Variants in MEI4 observed in about 807,000 individuals in gnomAD.
MEI4 encodes the protein meiotic double-stranded break formation protein 4.
A neutral mutation model predicts 31.4 loss-of-function variants in MEI4; 27 were observed. That is an observed-to-expected ratio of 0.86 (90% CI 0.63 to 1.19). MEI4 has a LOEUF of 1.19. Ranked by LOEUF, MEI4 falls within the 50% of genes most tolerant of loss-of-function variation. MEI4 has a pLI of 0.00. For synonymous variants in MEI4, 122 were observed against 145.4 expected (o/e 0.84, Z 1.16); for missense variants, 329 against 398.9 (o/e 0.82, Z 1.49).
intron 3 of MEI4, among the ~76,000 whole-genome samples, chr6:77,783,348 T>C (rs1201130726): frequency 6.6e-6 from 1 of 152,212 alleles, no homozygotes; most frequent in African/African-American, 2.4e-5. Flanking sequence ...TCCTTCATGA[T>C]AAAAAGCTTG....
intron 1 of MEI4, among the ~76,000 whole-genome samples, chr6:77,690,251 C>T (rs1769134091): frequency 6.6e-6 from 1 of 152,026 alleles, no homozygotes. Context: ...TCTGGTTATT[C>T]AGTGGACTCA....
intron 2 of MEI4, among the ~76,000 whole-genome samples, chr6:77,752,953 C>G (rs1302531064): frequency 1.3e-5 from 2 of 152,132 alleles, no homozygotes; most frequent in South Asian, 2.1e-4. Context: ...CGCCACGCAT[C>G]TATAACCATT....
intron 4 of MEI4, among the ~76,000 whole-genome samples, chr6:77,863,789 A>G (rs1770938763): frequency 6.6e-6 from 1 of 152,214 alleles, no homozygotes; most frequent in Admixed American, 6.5e-5. Context: ...CAGATTCACC[A>G]AAGTTGAAAT....
intron 4 of MEI4, among the ~76,000 whole-genome samples, chr6:77,848,893 C>A (rs1770547757): frequency 6.6e-6 from 1 of 151,994 alleles, no homozygotes; most frequent in Non-Finnish European, 1.5e-5. Context: ...TTATTGAGTT[C>A]TTACTATGGG....
At chr6:77,680,717 T>C (rs1768941440) in intron 1 of MEI4, among the ~76,000 whole-genome samples, 1 of 152,172 alleles carries the variant, frequency 6.6e-6, no homozygotes, top group African/African-American at 2.4e-5. Context: ...TTTTTAGGCA[T>C]GCAAATCCAT....
At chr6:77,871,503 C>A (rs13204625) in intron 4 of MEI4, among the ~76,000 whole-genome samples, 21,277 of 151,922 alleles carry the variant, frequency 0.14, 1,765 homozygotes, top group East Asian at 0.39. Context: ...ATTGGGTACA[C>A]CTGGACATAC....
intron 1 of MEI4, among the ~76,000 whole-genome samples, chr6:77,661,559 G>T: frequency 6.6e-6 from 1 of 152,160 alleles, no homozygotes; most frequent in East Asian, 1.9e-4. Context: ...AGGAATGGGA[G>T]GAGGCCTGAA....
At chr6:77,737,795 G>T (rs896650271) in intron 2 of MEI4, among the ~76,000 whole-genome samples, 2 of 152,198 alleles carry the variant, frequency 1.3e-5, no homozygotes, top group African/African-American at 4.8e-5. Context: ...GGAGGTCAAG[G>T]AAGAAGTCAA....
chr6:77,818,473 A>G (rs1344004603), intron 3 of MEI4, among the ~76,000 whole-genome samples: 1 of 152,114 alleles, frequency 6.6e-6, no homozygotes, highest in Non-Finnish European at 1.5e-5. Context: ...AATTGAATTG[A>G]TTTTCACAAT....
chr6:77,836,200 T>G (rs1236015546), intron 4 of MEI4, among the ~76,000 whole-genome samples: 1 of 152,136 alleles, frequency 6.6e-6, no homozygotes, highest in Non-Finnish European at 1.5e-5. Flanking sequence ...AATTTTTAAG[T>G]GATTTTTCAC....
At chr6:77,794,395 C>T (rs545731396) in intron 3 of MEI4, among the ~76,000 whole-genome samples, 9 of 152,090 alleles carry the variant, frequency 5.9e-5, no homozygotes, top group African/African-American at 1.9e-4. Context: ...AATCCCGTCT[C>T]TACTAAAAAT....
At chr6:77,668,238 A>C (rs934177677) in intron 1 of MEI4, among the ~76,000 whole-genome samples, 1 of 152,142 alleles carries the variant, frequency 6.6e-6, no homozygotes, top group Middle Eastern at 3.2e-3. Context: ...GGAGAGCATG[A>C]AGGTTTGCTT....
intron 3 of MEI4, among the ~76,000 whole-genome samples, chr6:77,802,686 G>T (rs1769301126): frequency 6.6e-6 from 1 of 152,096 alleles, no homozygotes; most frequent in Admixed American, 6.6e-5. Flanking sequence ...AACTCTCTCA[G>T]CATTTGCTTA....
At position 77,924,056 on chromosome 6, in the gene MEI4, A is replaced by C. The variant is rs1444624417; in HGVS notation, c.*710A>C. ...TGTAATTGTTAAATAGTATACAATTAAGTCACTAGACATATTTTATAAATT... is the reference window on the plus strand; with the variant it reads ...TGTAATTGTTAAATAGTATACAATTCAGTCACTAGACATATTTTATAAATT... On this transcript the variant is annotated 3_prime_UTR_variant, in exon 5 of 5. Coordinates refer to ENST00000684080, the MANE Select transcript of MEI4 (RefSeq NM_001322247.2). 1 of 151,774 alleles carries C rather than the reference A, an allele frequency of 6.6e-6. No homozygotes were observed. Among genetic ancestry groups the C allele is most frequent in the African/African-American group, 2.4e-5 (1 of 41,420 alleles). The allele number at this position is 151,774 out of a possible 1,614,324, so 9.4% of individuals were successfully genotyped here. A position where few individuals can be genotyped will look rare whatever the true frequency, so the allele number is the denominator to read the frequency against.
chr6:77,815,267 A>C (rs73760901), intron 3 of MEI4, among the ~76,000 whole-genome samples: 2 of 152,070 alleles, frequency 1.3e-5, no homozygotes, highest in Non-Finnish European at 2.9e-5. Flanking sequence ...GATGTTAACA[A>C]ACTTAGGCAA....
intron 3 of MEI4, among the ~76,000 whole-genome samples, chr6:77,767,530 A>C (rs547607314): frequency 1.3e-5 from 2 of 152,188 alleles, no homozygotes; most frequent in East Asian, 3.9e-4. Context: ...CCCTGTCTCT[A>C]CAAAAATTCC....
At chr6:77,716,722 A>T (rs1766589394) in intron 2 of MEI4, 1 of 206,662 alleles carries the variant, frequency 4.8e-6, no homozygotes, top group Admixed American at 6.5e-5. Context: ...TATCATATAA[A>T]CCAAGTGAAG....
intron 4 of MEI4, among the ~76,000 whole-genome samples, chr6:77,836,311 A>G (rs1407634561): frequency 6.6e-6 from 1 of 152,172 alleles, no homozygotes; most frequent in Non-Finnish European, 1.5e-5. Flanking sequence ...CTTTTGGAAT[A>G]TTGATAAGCA....
At chr6:77,799,971 A>G (rs1274143802) in intron 3 of MEI4, among the ~76,000 whole-genome samples, 2 of 152,098 alleles carry the variant, frequency 1.3e-5, no homozygotes, top group East Asian at 1.9e-4. Flanking sequence ...TTTACTTGGC[A>G]ATGGGGGCTC....
Sources: allele counts gnomAD v4.1 joint callset (sites outside exome capture counted in the v4.1 genomes callset), GRCh38; gene constraint gnomAD v4.1.1; transcripts MANE v1.5; gene names NCBI Gene and HGNC (gene_info 2026-07-23, HGNC 2026-07-21).